Variants in ATRNL1 observed in about 807,000 individuals in gnomAD.
ATRNL1 encodes the protein attractin-like protein 1.
A neutral mutation model predicts 182.7 loss-of-function variants in ATRNL1; 95 were observed. The ratio of observed to expected loss-of-function variants is 0.52; its 90% CI spans 0.44 to 0.62. The LOEUF (loss-of-function observed/expected upper bound fraction) is 0.62. ATRNL1 is among the 20% of genes least tolerant of loss of function. The pLI is 0.00. For missense variants in ATRNL1, 1,471 were observed against 1,679.5 expected, an observed-to-expected ratio of 0.88 and a Z score of 2.17; for synonymous variants, 576 against 568.3, an observed-to-expected ratio of 1.01 and a Z score of -0.19.
intron 27 of ATRNL1, among the ~76,000 whole-genome samples, chr10:115,732,714 G>C (rs1211457665): frequency 6.6e-6 from 1 of 152,056 alleles, no homozygotes; most frequent in Non-Finnish European, 1.5e-5. Context: ...TCTCATATTG[G>C]CCTAAGGGTT....
intron 19 of ATRNL1, among the ~76,000 whole-genome samples, chr10:115,340,208 A>T (rs1554937858): frequency 6.6e-6 from 1 of 152,130 alleles, no homozygotes; most frequent in East Asian, 1.9e-4. Context: ...CAGTGGCACG[A>T]TCTCAGCTCA....
Position 115,793,149 on chromosome 10 carries a change from C to A in ATRNL1, c.3904-54728C>A, listed in dbSNP as rs147676224. On this transcript the variant is annotated intron_variant, in intron 27 of 28. Coordinates refer to ENST00000355044, the MANE Select transcript of ATRNL1 (RefSeq NM_207303.4). ...ACTGAACTGATTATGAAAAGAAAGT[C>A]TTGTTGCAAGACTTCAATGAAAATA... Among the ~76,000 whole-genome samples, 33 of 152,028 alleles carry A rather than the reference C, an allele frequency of 2.2e-4. No individual in the cohort carries two copies. In the East Asian group the frequency reaches 5.8e-3, roughly 27 times the overall value.
intron 5 of ATRNL1, among the ~76,000 whole-genome samples, chr10:115,159,288 T>G (rs912166322): frequency 6.6e-6 from 1 of 151,594 alleles, no homozygotes; most frequent in Non-Finnish European, 1.5e-5. Flanking sequence ...TAAAGTTTGA[T>G]GAAAATATAT....
At chr10:115,701,353 TAGAA>T (rs1387049745) in intron 26 of ATRNL1, among the ~76,000 whole-genome samples, 2 of 151,870 alleles carry the variant, frequency 1.3e-5, no homozygotes, top group Non-Finnish European at 2.9e-5. Flanking sequence ...CTCAAAAAAT[TAGAA>T]AGATGTCAAT....
chr10:115,714,739 T>C (rs966289841), intron 26 of ATRNL1, among the ~76,000 whole-genome samples: 30 of 152,144 alleles, frequency 2.0e-4, no homozygotes, highest in African/African-American at 7.2e-4. Context: ...TCTGATCCAC[T>C]TAAAATTTTC....
chr10:115,411,283 T>A (rs996510745), intron 20 of ATRNL1, among the ~76,000 whole-genome samples: 3 of 150,888 alleles, frequency 2.0e-5, no homozygotes, highest in Non-Finnish European at 4.4e-5. Context: ...TATTTAAATT[T>A]AAAATTTTAA....
chr10:115,527,988 C>T lies in ATRNL1; in HGVS notation c.3716+8664C>T, dbSNP rs1333828909. On this transcript the variant is annotated intron_variant, in intron 25 of 28. Coordinates refer to ENST00000355044, the MANE Select transcript of ATRNL1 (RefSeq NM_207303.4). The stretch of plus-strand genomic sequence containing the variant: ...TCCCTCCCTCCTTCCCTCCCTCCCT[C>T]CCTCCCTCCCTTCCTTCCTTCCTTC... 6.8e-3 allele frequency among the ~76,000 whole-genome samples: 195 copies of T among 28,690 alleles called. 21 individuals carry two copies. Among genetic ancestry groups the T allele is most frequent in the African/African-American group, 0.034 (184 of 5,340 alleles). 18.8% of individuals were successfully genotyped at this position (28,690 alleles called of 152,430 possible).
intron 21 of ATRNL1, among the ~76,000 whole-genome samples, chr10:115,440,785 AT>A (rs1846633704): frequency 6.6e-6 from 1 of 151,840 alleles, no homozygotes; most frequent in African/African-American, 2.4e-5. Flanking sequence ...GGAAAAAAAA[AT>A]CATATAGCTG....
chr10:115,597,807 T>C (rs772080341), intron 26 of ATRNL1: 46 of 335,690 alleles, frequency 1.4e-4, no homozygotes, highest in Non-Finnish European at 2.2e-4. Flanking sequence ...AGTGCTGGGA[T>C]TACAGGCGTG....
At chr10:115,659,941 G>T (rs886101438) in intron 26 of ATRNL1, among the ~76,000 whole-genome samples, 9 of 152,174 alleles carry the variant, frequency 5.9e-5, no homozygotes, top group African/African-American at 2.2e-4. Flanking sequence ...ATATGGGTCA[G>T]ATTATAAAGG....
chr10:115,551,912 A>G (rs1853013938), intron 26 of ATRNL1, among the ~76,000 whole-genome samples: 1 of 150,842 alleles, frequency 6.6e-6, no homozygotes, highest in Admixed American at 6.6e-5. Flanking sequence ...GGGAAGTGAC[A>G]GAGAGAGAGA....
At chr10:115,643,348 C>G (rs1041235768) in intron 26 of ATRNL1, among the ~76,000 whole-genome samples, 1 of 151,978 alleles carries the variant, frequency 6.6e-6, no homozygotes, top group Admixed American at 6.6e-5. Context: ...GATTATAAAC[C>G]TAAACGTAAA....
chr10:115,275,051 G>A (rs1182905478), intron 13 of ATRNL1, among the ~76,000 whole-genome samples: 1 of 152,158 alleles, frequency 6.6e-6, no homozygotes, highest in African/African-American at 2.4e-5. Flanking sequence ...ATCCCTCCAG[G>A]AATGGAGTAT....
In ATRNL1 at chr10:115,165,573, C is replaced by T. The variant is rs1554884167; in HGVS notation, c.1020C>T (p.Ser340=). 2 of 1,499,140 alleles carry T rather than the reference C, an allele frequency of 1.3e-6. No homozygotes were observed. Among genetic ancestry groups the T allele is most frequent in the Non-Finnish European group, 1.8e-6 (2 of 1,110,622 alleles). The allele number at this position is 1,499,140 out of a possible 1,614,324, so 92.9% of individuals were successfully genotyped here. Residue 340 remains serine (S), a synonymous_variant, in exon 7 of 29, where the codon AGC becomes AGT. Transcript: ENST00000355044. ...TTGCTTTTAGTTACAATTTAGAAAGCAGTATATGGAATGTAGGAACTCCAT... is the reference window on the plus strand; with the variant it reads ...TTGCTTTTAGTTACAATTTAGAAAGTAGTATATGGAATGTAGGAACTCCAT... ...FQMVLNYNLE[S]SIWNVGTPSR... is the part of the protein sequence containing the mutation.
chr10:115,681,736 T>G (rs1946053108), intron 26 of ATRNL1, among the ~76,000 whole-genome samples: 1 of 152,132 alleles, frequency 6.6e-6, no homozygotes. Context: ...CAGTCAGTCA[T>G]TCATTCTCAC....
intron 20 of ATRNL1, among the ~76,000 whole-genome samples, chr10:115,420,444 C>T (rs1221064692): frequency 5.3e-5 from 8 of 151,780 alleles, no homozygotes; most frequent in African/African-American, 1.7e-4. Context: ...AAACTGTATA[C>T]GTACATGGAA....
chr10:115,122,254 T>C (rs752169107), intron 3 of ATRNL1, among the ~76,000 whole-genome samples: 3 of 151,816 alleles, frequency 2.0e-5, no homozygotes, highest in Non-Finnish European at 4.4e-5. Flanking sequence ...TTAATAAAGA[T>C]GGAGTTTCTA....
chr10:115,231,456 T>G (rs1354528538), intron 9 of ATRNL1, among the ~76,000 whole-genome samples: 8 of 152,024 alleles, frequency 5.3e-5, no homozygotes, highest in Non-Finnish European at 1.0e-4. Context: ...ACTAACAACT[T>G]TTTTGAGGAG....
chr10:115,518,885 A>G (rs1485906098), intron 24 of ATRNL1, among the ~76,000 whole-genome samples: 1 of 151,760 alleles, frequency 6.6e-6, no homozygotes, highest in Non-Finnish European at 1.5e-5. Flanking sequence ...TTGTATATAT[A>G]TATGAAGCTT....
Sources: gnomAD v4.1 joint callset for allele counts (sites outside exome capture counted in the v4.1 genomes callset) on GRCh38, gnomAD v4.1.1 for gene constraint, MANE v1.5 for transcripts, NCBI Gene and HGNC (gene_info 2026-07-23, HGNC 2026-07-21) for gene names.